THYN1: variants seen among roughly 807,000 people sequenced by gnomAD.
The protein encoded by THYN1 is thymocyte protein thy28.
A neutral mutation model predicts 30.6 loss-of-function variants in THYN1; 32 were observed. The observed-to-expected ratio is 1.05, with a 90% CI of 0.79 to 1.40. The LOEUF is 1.40. Ranked by LOEUF, THYN1 falls within the 40% of genes most tolerant of loss-of-function variation. The probability of loss-of-function intolerance (pLI) is 0.00; values close to 1 mark genes in which losing one functional copy is unlikely to be tolerated. For synonymous variants in THYN1, 107 were observed against 90.8 expected, an observed-to-expected ratio of 1.18 and a Z score of -1.01; for missense variants, 259 against 272.6, an observed-to-expected ratio of 0.95 and a Z score of 0.35.
In THYN1 at chr11:134,248,344, A is replaced by C. The variant is rs1035908886; in HGVS notation, c.*94T>G. The C allele has an allele frequency of 2.9e-6, 4 of 1,379,020 alleles. No homozygotes were observed. The highest frequency in any genetic ancestry group is 4.1e-6 in the Non-Finnish European group (4 of 965,538). 85.4% of individuals were successfully genotyped at this position (1,379,020 alleles called of 1,614,324 possible). The stretch of plus-strand genomic sequence containing the variant: ...ACCACTGAGGTACACAAGCCCAGGT[A>C]AGCATACCAAGCAAGCCCCCTCACA... On this transcript the variant is annotated 3_prime_UTR_variant, in exon 7 of 7. Coordinates refer to ENST00000341541, the MANE Select transcript of THYN1 (RefSeq NM_014174.3).
At chr11:134,251,618 C>G (rs550809062) in intron 1 of THYN1, 12 of 258,598 alleles carry the variant, frequency 4.6e-5, no homozygotes, top group African/African-American at 2.2e-4. Context: ...TATGCCTTTG[C>G]ATAGGAAAGA....
At position 134,250,327 on chromosome 11, in the gene THYN1, A is replaced by G; in HGVS notation, c.239T>C (p.Leu80Pro). ...TGTTGTCTGTTTGGGCTGTGCTTTGAGATCCTCAATGCTGAACTAGGCAAG... is the reference window on the plus strand; with the variant it reads ...TGTTGTCTGTTTGGGCTGTGCTTTGGGATCCTCAATGCTGAACTAGGCAAG... The part of the protein sequence containing the change: ...GVDVKFSIED[L>P]KAQPKQTTCW... The change falls in exon 3 of 7, where the codon CTC becomes CCC. Residue 80 changes from leucine (L) to proline (P), a missense_variant. Leu to Pro is a moderately conservative substitution (Grantham distance 98, BLOSUM62 -3). Transcript: ENST00000341541. 1.2e-6 allele frequency: 2 copies of G among 1,614,174 alleles called. No individual in the cohort carries two copies. The highest frequency in any genetic ancestry group is 1.7e-6 in the Non-Finnish European group (2 of 1,180,016).
chr11:134,253,120 T>C lies in THYN1; in HGVS notation c.-238A>G, dbSNP rs1414182798. On this transcript the variant is annotated 5_prime_UTR_variant, in exon 1 of 7. Coordinates refer to ENST00000341541, the MANE Select transcript of THYN1 (RefSeq NM_014174.3). ...TGCCCCTAAACTCTTCTCGGTTCTG[T>C]CCTTGGTCCTTCTCATCCAGGAACC... is the stretch of plus-strand genomic sequence containing the variant. 4.4e-6 allele frequency: 6 copies of C among 1,367,302 alleles called. No homozygotes were observed. The African/African-American group carries it at 9.0e-5, about 20-fold the overall frequency. 84.7% of individuals were successfully genotyped at this position (1,367,302 alleles called of 1,614,324 possible).
chr11:134,248,638 T>G (rs1165603428), intron 6 of THYN1, among the ~76,000 whole-genome samples, 154 bp from the exon 7 acceptor site: 1 of 152,228 alleles, frequency 6.6e-6, no homozygotes, highest in African/African-American at 2.4e-5. Context: ...TATAGAGTAC[T>G]GGGTAATAGT....
At chr11:134,251,590 T>A (rs1233334131) in intron 1 of THYN1, 1 of 325,056 alleles carries the variant, frequency 3.1e-6, no homozygotes, top group Non-Finnish European at 5.6e-6. Context: ...CATGTTTTCC[T>A]TTCCTCACTC....
At position 134,249,412 on chromosome 11, in the gene THYN1, CAA is replaced by C. The variant is rs1591491374; in HGVS notation, c.385-152_385-151del. On this transcript the variant is annotated intron_variant, in intron 4 of 6. Coordinates refer to ENST00000341541, the MANE Select transcript of THYN1 (RefSeq NM_014174.3). ...CAATGGGGGCTCAGATATTTGGAAA[CAA>C]TATATAGTCTAATATATAGACTAGG... The C allele has an allele frequency of 6.8e-5, 48 of 709,756 alleles. No individual in the cohort carries two copies. The East Asian group carries it at 1.1e-3, about 17-fold the overall frequency. The allele number at this position is 709,756 out of a possible 1,614,324, so 44.0% of individuals were successfully genotyped here.
In THYN1 at chr11:134,250,404, T is replaced by C. The variant is rs1055641453; in HGVS notation, c.223-61A>G. 9 of 1,587,776 alleles carry C rather than the reference T, an allele frequency of 5.7e-6. No homozygotes were observed. The Admixed American group carries it at 6.7e-5, about 12-fold the overall frequency. ...TCCTTGGCCAGTTAGTAAGCACATA[T>C]GGAAGCAGACAGTTCCTTCCCCTAA... On this transcript the variant is annotated intron_variant, in intron 2 of 6. Coordinates refer to ENST00000341541, the MANE Select transcript of THYN1 (RefSeq NM_014174.3).
chr11:134,249,378 C>A lies in THYN1; in HGVS notation c.385-116G>T, dbSNP rs189130413. ...GCACATTCTTAACCCATCTGCCTTG[C>A]TGTACAGCCAATGGGGGCTCAGATA... On this transcript the variant is annotated intron_variant, in intron 4 of 6. Transcript: ENST00000341541. 280 of 976,278 alleles carry A rather than the reference C, an allele frequency of 2.9e-4. 5 individuals are homozygous for A. In the East Asian group the frequency reaches 3.9e-3, roughly 14 times the overall value. The allele number at this position is 976,278 out of a possible 1,614,324, so 60.5% of individuals were successfully genotyped here. A position where few individuals can be genotyped will look rare whatever the true frequency, so the allele number is the denominator to read the frequency against.
At position 134,252,847 on chromosome 11, in the gene THYN1, A is replaced by C. The variant is rs768222255; in HGVS notation, c.36T>G (p.Ser12=). The change falls in exon 1 of 7, where the codon TCT becomes TCG. Residue 12 remains serine, a synonymous_variant. Transcript: ENST00000341541. ...SRPRKRLAGT[S]GSDKGLSGKR... ...AGCCTAGGGGCAGCTCACCTGAACC[A>C]GAAGTCCCAGCCAGCCTCTTCCGGG... 1 of 1,612,070 alleles carries C rather than the reference A, an allele frequency of 6.2e-7. No individual in the cohort carries two copies. Among genetic ancestry groups the C allele is most frequent in the Non-Finnish European group, 8.5e-7 (1 of 1,179,418 alleles).
chr11:134,250,236 C>A, intron 3 of THYN1, 39 bp downstream of exon 3: 1 of 1,611,782 alleles, frequency 6.2e-7, no homozygotes, highest in Non-Finnish European at 8.5e-7. Flanking sequence ...GGCATTCATC[C>A]CACCTGGGTC....
chr11:134,248,605 A>T, intron 6 of THYN1, 121 bp from the exon 7 acceptor site: 1 of 1,410,926 alleles, frequency 7.1e-7, no homozygotes. Flanking sequence ...TTCGTTCAAA[A>T]CTATTTACCA....
At position 134,250,444 on chromosome 11, in the gene THYN1, C is replaced by CT. The variant is rs1938996421; in HGVS notation, c.223-102dup. ...CCTTCCCCTAAAATGAGAGGGGCCA[C>CT]TGGCTATAGAGGAAGTATGTAGTTC... On this transcript the variant is annotated intron_variant, in intron 2 of 6. Coordinates refer to ENST00000341541, the MANE Select transcript of THYN1 (RefSeq NM_014174.3). The CT allele has an allele frequency of 3.1e-6, 4 of 1,277,504 alleles. No homozygotes were observed. The African/African-American group carries it at 5.9e-5, about 19-fold the overall frequency. 79.1% of individuals were successfully genotyped at this position (1,277,504 alleles called of 1,614,324 possible).
In THYN1 at chr11:134,249,879, G is replaced by C; in HGVS notation, c.333C>G (p.Ala111=). 6 of 1,614,118 alleles carry C rather than the reference G, an allele frequency of 3.7e-6. No homozygotes were observed. The highest frequency in any genetic ancestry group is 5.1e-6 in the Non-Finnish European group (6 of 1,180,016). ...CTTTGCAGTTGCTATGGTAGAAGAA[G>C]GCTTCTTCTCCCAGCTTCATGGCTC... The part of the protein sequence containing the change: ...FLRAMKLGEE[A]FFYHSNCKEP... Residue 111 remains alanine, a synonymous_variant, in exon 4 of 7, where the codon GCC becomes GCG. Transcript: ENST00000341541.
Position 134,248,536 on chromosome 11 carries a change from G to T in THYN1, c.632-52C>A, listed in dbSNP as rs774540320. 13 of 1,603,660 alleles carry T rather than the reference G, an allele frequency of 8.1e-6. No homozygotes were observed. The African/African-American group carries it at 1.5e-4, about 18-fold the overall frequency. On this transcript the variant is annotated intron_variant, in intron 6 of 6. Coordinates refer to ENST00000341541, the MANE Select transcript of THYN1 (RefSeq NM_014174.3). ...GGATTAGTTTTTAATGTCCCCTCTT[G>T]AACAGGAAAGTTGTGCCAGGCACAG...
At chr11:134,249,365 C>A (rs1591491317) in intron 4 of THYN1, 103 bp from the exon 5 acceptor site, 3 of 1,167,408 alleles carry the variant, frequency 2.6e-6, no homozygotes, top group Non-Finnish European at 2.6e-6. Flanking sequence ...ACATTCTTAA[C>A]CCATCTGCCT....
chr11:134,249,895 T>G lies in THYN1; in HGVS notation c.317A>C (p.Lys106Thr). 1 of 1,614,128 alleles carries G rather than the reference T, an allele frequency of 6.2e-7. No homozygotes were observed. Among genetic ancestry groups the G allele is most frequent in the Non-Finnish European group, 8.5e-7 (1 of 1,180,000 alleles). ...GTAGAAGAAGGCTTCTTCTCCCAGC[T>G]TCATGGCTCTAAGGAAGTTCCGAGC... ...YQARNFLRAM[K>T]LGEEAFFYHS... Residue 106 changes from lysine to threonine, a missense_variant, in exon 4 of 7, where the codon AAG (lysine) becomes ACG (threonine). Transcript: ENST00000341541.
At chr11:134,251,672 GGT>G (rs1939065041) in intron 1 of THYN1, 1 of 183,070 alleles carries the variant, frequency 5.5e-6, no homozygotes, top group African/African-American at 2.3e-5. Flanking sequence ...GCTTAAATGA[GGT>G]AATACAAAGG....
chr11:134,248,398 T>G lies in THYN1; in HGVS notation c.*40A>C. The G allele has an allele frequency of 1.9e-6, 3 of 1,613,600 alleles. No homozygotes were observed. The highest frequency in any genetic ancestry group is 2.5e-6 in the Non-Finnish European group (3 of 1,179,514). On this transcript the variant is annotated 3_prime_UTR_variant, in exon 7 of 7. Coordinates refer to ENST00000341541, the MANE Select transcript of THYN1 (RefSeq NM_014174.3). The stretch of plus-strand genomic sequence containing the variant: ...TTTGTCTGAAAAAAGCTTGACTTCT[T>G]TGCAGCAATGTCTCGCCCATTCCAG...
At position 134,248,661 on chromosome 11, in the gene THYN1, T is replaced by A. The variant is rs1271191418; in HGVS notation, c.631+148A>T. ...ACTGGGTAATAGTAACAGGTAACTC[T>A]GGCCACATTCCCTCCCTCATGGGTG... is the stretch of plus-strand genomic sequence containing the variant. On this transcript the variant is annotated intron_variant, in intron 6 of 6. Coordinates refer to ENST00000341541, the MANE Select transcript of THYN1 (RefSeq NM_014174.3). 3 of 1,345,408 alleles carry A rather than the reference T, an allele frequency of 2.2e-6. No individual in the cohort carries two copies. In the African/African-American group the frequency reaches 4.4e-5, roughly 20 times the overall value. The allele number at this position is 1,345,408 out of a possible 1,614,324, so 83.3% of individuals were successfully genotyped here. A position where few individuals can be genotyped will look rare whatever the true frequency, so the allele number is the denominator to read the frequency against.
Sources: allele counts gnomAD v4.1 joint callset (sites outside exome capture counted in the v4.1 genomes callset), GRCh38; gene constraint gnomAD v4.1.1; transcripts MANE v1.5; gene names NCBI Gene and HGNC (gene_info 2026-07-23, HGNC 2026-07-21).